Variants in ATP2B3 observed in about 807,000 individuals in gnomAD.
ATP2B3 encodes plasma membrane calcium-transporting ATPase 3.
Under a neutral mutation model 70.8 loss-of-function variants are expected in ATP2B3, and 12 were observed. The ratio of observed to expected loss-of-function variants is 0.17; its 90% CI spans 0.11 to 0.27. ATP2B3 has a LOEUF of 0.27. ATP2B3 is among the 10% of genes least tolerant of loss of function. The pLI, the probability that ATP2B3 is intolerant of heterozygous loss-of-function variation, is 1.00. For synonymous variants in ATP2B3, 460 were observed against 497.8 expected (o/e 0.92, Z 1.01); for missense variants, 858 against 1,118.5 (o/e 0.77, Z 3.32).
intron 13 of ATP2B3, among the ~76,000 whole-genome samples, 155 bp downstream of exon 13, chrX:153,553,424 G>C (rs782097712): frequency 9.0e-6 from 1 of 111,624 alleles, no homozygotes; most frequent in South Asian, 3.8e-4. Context: ...CCTGACACCC[G>C]CACAAAGGCT....
chrX:153,569,904 G>T, intron 21 of ATP2B3: 1 of 629,468 alleles, frequency 1.6e-6, no homozygotes, highest in Non-Finnish European at 2.4e-6. Flanking sequence ...AGTCCTTCCC[G>T]CCCAGACGGT....
At chrX:153,574,819 C>T (rs1206164760) in intron 21 of ATP2B3, 1 of 329,177 alleles carries the variant, frequency 3.0e-6, no homozygotes, top group Admixed American at 3.1e-5. Flanking sequence ...TCCAGCTGGC[C>T]GGCAGTGGCA....
At chrX:153,556,517 G>C (rs1173475102) in intron 15 of ATP2B3, 99 bp downstream of exon 15, 1 of 882,637 alleles carries the variant, frequency 1.1e-6, no homozygotes, top group African/African-American at 2.0e-5. Flanking sequence ...CCCAGGGCCT[G>C]CCTAGGAAGC....
chrX:153,575,726 C>T (rs1316636087), intron 21 of ATP2B3, among the ~76,000 whole-genome samples: 1 of 112,134 alleles, frequency 8.9e-6, no homozygotes, highest in Admixed American at 9.4e-5. Flanking sequence ...GGCTGTTAGC[C>T]GACAGGTGGA....
chrX:153,525,474 G>A (rs372201331), intron 2 of ATP2B3, among the ~76,000 whole-genome samples: 2 of 111,745 alleles, frequency 1.8e-5, no homozygotes, highest in East Asian at 5.7e-4. Flanking sequence ...CCCAATTCTC[G>A]GGCAGAGCAA....
intron 3 of ATP2B3, among the ~76,000 whole-genome samples, chrX:153,537,374 G>A (rs1397614277): frequency 1.8e-5 from 2 of 113,463 alleles, no homozygotes; most frequent in East Asian, 5.6e-4. Context: ...TCTGGGCAAC[G>A]CCTGGGCCCA....
In ATP2B3 at chrX:153,579,973, T is replaced by A. The variant is rs781998804; in HGVS notation, c.3343-5T>A. 3.2e-5 allele frequency: 38 copies of A among 1,196,821 alleles called. No homozygotes were observed. Among genetic ancestry groups the A allele is most frequent in the Non-Finnish European group, 4.1e-5 (36 of 885,898 alleles). ...CGCGCCCTGTCCCTCCACCTCCCACTCCAGATCCGGGTGGTGAAAGCGTTC... is the reference window on the plus strand; with the variant it reads ...CGCGCCCTGTCCCTCCACCTCCCACACCAGATCCGGGTGGTGAAAGCGTTC... On this transcript the variant is annotated splice_region_variant and splice_polypyrimidine_tract_variant and intron_variant, in intron 21 of 21. Transcript: ENST00000263519.
At chrX:153,553,524 G>A (rs1247179508) in intron 13 of ATP2B3, among the ~76,000 whole-genome samples, 2 of 112,256 alleles carry the variant, frequency 1.8e-5, no homozygotes, top group African/African-American at 6.5e-5. Flanking sequence ...GGCAGTGGCG[G>A]AGAGACCGTC....
At chrX:153,518,030 C>T (rs1184585139) in intron 1 of ATP2B3, among the ~76,000 whole-genome samples, 155 bp downstream of exon 1, 2 of 110,612 alleles carry the variant, frequency 1.8e-5, no homozygotes, top group East Asian at 5.7e-4. Context: ...AGCCCCGCGC[C>T]GGGCCTGCGT....
At chrX:153,558,343 G>A (rs1212711867) in intron 17 of ATP2B3, 40 bp downstream of exon 17, 16 of 1,144,939 alleles carry the variant, frequency 1.4e-5, no homozygotes, top group Non-Finnish European at 1.8e-5. Flanking sequence ...TAGGACACCT[G>A]GGCTCAGGCC....
At chrX:153,529,095 T>C (rs2090075754) in intron 2 of ATP2B3, among the ~76,000 whole-genome samples, 1 of 112,642 alleles carries the variant, frequency 8.9e-6, no homozygotes, top group Non-Finnish European at 1.9e-5. Flanking sequence ...AAGGTACCCA[T>C]CTTGAGGCCA....
rs1471681179 is a variant in ATP2B3 at position 153,541,858 on chromosome X, G to A, written c.596G>A (p.Arg199Gln). Residue 199 changes from arginine (R) to glutamine (Q), a missense_variant, in exon 5 of 22, where the codon CGG (arginine) becomes CAG (glutamine). Around this residue, in one of 5 missense-constraint regions of ATP2B3, gnomAD observed 278 missense variants for 366.2 expected, o/e 0.76. Coordinates refer to ENST00000263519, the MANE Select transcript of ATP2B3 (RefSeq NM_001001344.3). Reference sequence around the variant, plus strand: ...CAGGAGCAGAAGTTCACGGTCATCCGGAACGGGCAGCTCCTCCAGGTCCCC... The same window carrying A: ...CAGGAGCAGAAGTTCACGGTCATCCAGAACGGGCAGCTCCTCCAGGTCCCC... ...IEQEQKFTVI[R>Q]NGQLLQVPVA... is the part of the protein sequence containing the mutation. 7 of 1,211,512 alleles carry A rather than the reference G, an allele frequency of 5.8e-6. No homozygotes were observed. Among genetic ancestry groups the A allele is most frequent in the East Asian group, 3.0e-5 (1 of 33,845 alleles).
At chrX:153,542,623 G>A (rs2090303905) in intron 6 of ATP2B3, among the ~76,000 whole-genome samples, 175 bp downstream of exon 6, 1 of 113,079 alleles carries the variant, frequency 8.8e-6, no homozygotes, top group South Asian at 3.6e-4. Context: ...GATGGTGGCA[G>A]CTCCAGCCAC....
chrX:153,573,216 T>G lies in ATP2B3; in HGVS notation c.3343-6762T>G, dbSNP rs58252472. Among the ~76,000 whole-genome samples, 710 of 112,425 alleles carry G rather than the reference T, an allele frequency of 6.3e-3. 4 individuals are homozygous for G. Among genetic ancestry groups the G allele is most frequent in the African/African-American group, 0.022 (695 of 30,960 alleles). ...GATCACAGCAGTTGCTTGGTTTTAT[T>G]GGCTTTGGCAACATGAAAACCGTGT... is the stretch of plus-strand genomic sequence containing the variant. On this transcript the variant is annotated intron_variant, in intron 21 of 21. Coordinates refer to ENST00000263519, the MANE Select transcript of ATP2B3 (RefSeq NM_001001344.3).
chrX:153,528,961 G>A (rs1557000814), intron 2 of ATP2B3, among the ~76,000 whole-genome samples: 1 of 112,742 alleles, frequency 8.9e-6, no homozygotes, highest in Non-Finnish European at 1.9e-5. Context: ...ATCATTAGCT[G>A]GATGACAAGA....
At chrX:153,545,741 T>G (rs2090355605) in intron 7 of ATP2B3, among the ~76,000 whole-genome samples, 1 of 112,039 alleles carries the variant, frequency 8.9e-6, no homozygotes, top group Non-Finnish European at 1.9e-5. Context: ...GTGAACCCCT[T>G]GAGCTGGTTT....
chrX:153,550,098 C>T lies in ATP2B3; in HGVS notation c.1635C>T (p.Cys545=), dbSNP rs62642556. 5.3e-4 allele frequency: 638 copies of T among 1,211,573 alleles called. 3 individuals carry two copies. In the African/African-American group the frequency reaches 6.7e-3, roughly 13 times the overall value. ...GCCAGGTGGGCAATAAGACGGAGTGCGCCCTGCTGGGCTTCGTCTTGGACC... is the reference window on the plus strand; with the variant it reads ...GCCAGGTGGGCAATAAGACGGAGTGTGCCCTGCTGGGCTTCGTCTTGGACC... ...LPRQVGNKTE[C]ALLGFVLDLK... Residue 545 remains cysteine (C), a synonymous_variant, in exon 12 of 22, where the codon TGC becomes TGT. Transcript: ENST00000263519.
Position 153,580,415 on chromosome X carries a change from C to T in ATP2B3, c.*117C>T, listed in dbSNP as rs1156927561. On this transcript the variant is annotated 3_prime_UTR_variant, in exon 22 of 22. Transcript: ENST00000263519. ...GCACACCTGCAAAACGAGGGAACAA[C>T]TAAGGTGGCTGAAGACCTTTCTGGC... The T allele has an allele frequency of 1.3e-5, 10 of 779,575 alleles. No homozygotes were observed. Among genetic ancestry groups the T allele is most frequent in the Admixed American group, 7.1e-5 (2 of 28,318 alleles). The allele number at this position is 779,575 out of a possible 1,213,427, so 64.2% of individuals were successfully genotyped here.
At chrX:153,552,755 G>A (rs1557011981) in intron 12 of ATP2B3, among the ~76,000 whole-genome samples, 38 of 112,411 alleles carry the variant, frequency 3.4e-4, no homozygotes, top group Non-Finnish European at 5.6e-5. Flanking sequence ...CGTGGGCAGG[G>A]CCGAAGCGCC....
Sources: allele counts gnomAD v4.1 joint callset (sites outside exome capture counted in the v4.1 genomes callset), GRCh38; gene constraint gnomAD v4.1.1; regional missense constraint gnomAD v4.1.1; transcripts MANE v1.5; gene names NCBI Gene and HGNC (gene_info 2026-07-23, HGNC 2026-07-21).